Variants in AMPH observed in about 807,000 individuals in gnomAD.
AMPH encodes amphiphysin (Stiff-Mann syndrome with breast cancer 128kD autoantigen).
A neutral mutation model predicts 99.1 loss-of-function variants in AMPH; 49 were observed. The observed-to-expected ratio is 0.49, with a 90% CI of 0.39 to 0.63. The LOEUF (loss-of-function observed/expected upper bound fraction) is 0.63, where lower values mean the gene tolerates loss of function less well. Ranked by LOEUF, AMPH falls within the 20% of genes least tolerant of loss-of-function variation. The pLI is 0.00. For synonymous variants in AMPH, 314 were observed against 317.3 expected (o/e 0.99, Z 0.11); for missense variants, 759 against 863.4 (o/e 0.88, Z 1.52).
chr7:38,399,766 G>A (rs771604485), intron 17 of AMPH, among the ~76,000 whole-genome samples: 1 of 152,186 alleles, frequency 6.6e-6, no homozygotes, highest in Non-Finnish European at 1.5e-5. Flanking sequence ...CATACCCAGT[G>A]CTATCAAATG....
At chr7:38,585,611 C>T (rs561947032) in intron 1 of AMPH, among the ~76,000 whole-genome samples, 1 of 152,330 alleles carries the variant, frequency 6.6e-6, no homozygotes, top group Admixed American at 6.5e-5. Context: ...CTAGGTTCTG[C>T]TGTTATTTTA....
chr7:38,586,520 T>C (rs748238622), intron 1 of AMPH, among the ~76,000 whole-genome samples: 5 of 152,210 alleles, frequency 3.3e-5, no homozygotes, highest in Non-Finnish European at 7.3e-5. Context: ...AAAGGGCCAA[T>C]TGCTAGTGAG....
At chr7:38,501,779 A>AAATG (rs1051183032) in intron 3 of AMPH, among the ~76,000 whole-genome samples, 3 of 151,002 alleles carry the variant, frequency 2.0e-5, no homozygotes, top group African/African-American at 7.3e-5. Context: ...ATAAATAAAT[A>AAATG]AATAAATAAA....
chr7:38,571,107 C>CATATATTGAATATATATATA (rs1791970699), intron 1 of AMPH, among the ~76,000 whole-genome samples: 1 of 52,682 alleles, frequency 1.9e-5, no homozygotes, highest in Non-Finnish European at 3.0e-5. Context: ...TATATATATT[C>CATATATTGAATATATATATA]ATATATACAG....
At chr7:38,465,313 TA>T (rs1787609537) in intron 9 of AMPH, among the ~76,000 whole-genome samples, 153 bp downstream of exon 9, 1 of 152,118 alleles carries the variant, frequency 6.6e-6, no homozygotes, top group African/African-American at 2.4e-5. Flanking sequence ...GACATAAATG[TA>T]AAAGCACAAA....
At chr7:38,631,108 G>C (rs981355937) in intron 1 of AMPH, among the ~76,000 whole-genome samples, 175 bp downstream of exon 1, 3 of 151,894 alleles carry the variant, frequency 2.0e-5, no homozygotes, top group Non-Finnish European at 2.9e-5. Context: ...CGCCCGGGTC[G>C]CGCCTTGCGG....
chr7:38,384,563 G>A lies in AMPH; in HGVS notation c.*255C>T. 1 of 382,450 alleles carries A rather than the reference G, an allele frequency of 2.6e-6. No individual in the cohort carries two copies. The highest frequency in any genetic ancestry group is 4.3e-5 in the East Asian group (1 of 23,262). 23.7% of individuals were successfully genotyped at this position (382,450 alleles called of 1,614,324 possible). On this transcript the variant is annotated 3_prime_UTR_variant, in exon 21 of 21. Coordinates refer to ENST00000356264, the MANE Select transcript of AMPH (RefSeq NM_001635.4). ...ATTGGTGGGAGGGGATCAAGTACAA[G>A]AGTCTCCACAGCTTGGACAAAGCAC... is the stretch of plus-strand genomic sequence containing the variant.
intron 7 of AMPH, among the ~76,000 whole-genome samples, chr7:38,473,565 G>A (rs528335517): frequency 9.4e-6 from 1 of 106,034 alleles, no homozygotes; most frequent in Non-Finnish European, 1.8e-5. Flanking sequence ...TTAGCCGGGC[G>A]CGGTGGCGGG....
At chr7:38,625,976 T>C (rs946926976) in intron 1 of AMPH, among the ~76,000 whole-genome samples, 6 of 152,108 alleles carry the variant, frequency 3.9e-5, no homozygotes, top group Non-Finnish European at 8.8e-5. Flanking sequence ...CAGTGTATAA[T>C]TGGGGGAAGA....
intron 16 of AMPH, 109 bp downstream of exon 16, chr7:38,422,312 A>C (rs1785606902): frequency 1.1e-6 from 1 of 906,186 alleles, no homozygotes; most frequent in East Asian, 2.6e-5. Flanking sequence ...TACAGGATCC[A>C]GAAACCACAT....
At chr7:38,532,228 G>A (rs1170260054) in intron 2 of AMPH, among the ~76,000 whole-genome samples, 1 of 151,728 alleles carries the variant, frequency 6.6e-6, no homozygotes, top group Non-Finnish European at 1.5e-5. Flanking sequence ...TACAAACAGG[G>A]GTAAGGCACT....
In AMPH at chr7:38,603,547, A is replaced by G. The variant is rs1165512791; in HGVS notation, c.69+27736T>C. 3.3e-5 allele frequency among the ~76,000 whole-genome samples: 5 copies of G among 152,180 alleles called. No individual in the cohort carries two copies. In the East Asian group the frequency reaches 9.6e-4, roughly 29 times the overall value. On this transcript the variant is annotated intron_variant, in intron 1 of 20. Transcript: ENST00000356264. Reference sequence around the variant, plus strand: ...AACCATATTTGGTAGTTAGCTAGGTACAAGCTACAGCTACGAACGTACATG... The same window carrying G: ...AACCATATTTGGTAGTTAGCTAGGTGCAAGCTACAGCTACGAACGTACATG...
At chr7:38,602,562 C>T (rs978561446) in intron 1 of AMPH, among the ~76,000 whole-genome samples, 9 of 152,214 alleles carry the variant, frequency 5.9e-5, no homozygotes, top group Admixed American at 6.5e-5. Context: ...ACTCACTTGC[C>T]TCCTTCTTGC....
At chr7:38,476,235 T>A (rs1276519555) in intron 6 of AMPH, among the ~76,000 whole-genome samples, 1 of 152,182 alleles carries the variant, frequency 6.6e-6, no homozygotes, top group Non-Finnish European at 1.5e-5. Flanking sequence ...TATGCTGTAC[T>A]AAGAAATAAA....
In AMPH at chr7:38,454,986, T is replaced by C. The variant is rs573354500; in HGVS notation, c.1017+6297A>G. 1.6e-4 allele frequency among the ~76,000 whole-genome samples: 24 copies of C among 152,256 alleles called. 2 individuals carry two copies. The South Asian group carries it at 5.0e-3, about 32-fold the overall frequency. ...TCTCAATTTTATAGTGCAAAATTGA[T>C]ATATACTCAGTGATTTGGGAAGACT... On this transcript the variant is annotated intron_variant, in intron 11 of 20. Transcript: ENST00000356264.
chr7:38,631,071 T>C (rs1794443506), intron 1 of AMPH, among the ~76,000 whole-genome samples: 1 of 152,026 alleles, frequency 6.6e-6, no homozygotes, highest in Non-Finnish European at 1.5e-5. Flanking sequence ...TCCCCGGCGC[T>C]GCGTCCTCCC....
chr7:38,601,472 C>T (rs1385415500), intron 1 of AMPH, among the ~76,000 whole-genome samples: 7 of 152,170 alleles, frequency 4.6e-5, no homozygotes, highest in South Asian at 2.1e-4. Context: ...TAAGCTCAAA[C>T]GGTTACTTTT....
chr7:38,588,681 G>A (rs10499606), intron 1 of AMPH, among the ~76,000 whole-genome samples: 42,679 of 151,764 alleles, frequency 0.28, 6,389 homozygotes, highest in Non-Finnish European at 0.34. Context: ...CACCATATTG[G>A]ATTAAGAGTT....
At chr7:38,477,477 A>G (rs1055430419) in intron 5 of AMPH, among the ~76,000 whole-genome samples, 4 of 152,148 alleles carry the variant, frequency 2.6e-5, no homozygotes, top group Non-Finnish European at 5.9e-5. Flanking sequence ...CCCTGGACTA[A>G]TGTGTCATTT....
Sources: gnomAD v4.1 joint callset for allele counts (sites outside exome capture counted in the v4.1 genomes callset) on GRCh38, gnomAD v4.1.1 for gene constraint, MANE v1.5 for transcripts, NCBI Gene and HGNC (gene_info 2026-07-23, HGNC 2026-07-21) for gene names.